The following OTOGL variants were observed in gnomAD, a reference collection of about 807,000 sequenced individuals.
OTOGL encodes the protein otogelin-like protein.
A neutral mutation model predicts 318.5 loss-of-function variants in OTOGL; 285 were observed. The observed-to-expected ratio is 0.89, with a 90% confidence interval of 0.81 to 0.99. The LOEUF is 0.99. Among genes scored for constraint, OTOGL ranks in the 50% least tolerant of loss-of-function variants. The probability of loss-of-function intolerance (pLI) is 0.00; values close to 1 mark genes in which losing one functional copy is unlikely to be tolerated. For synonymous variants in OTOGL, 987 were observed against 936.5 expected (o/e 1.05, Z -0.99); for missense variants, 2,899 against 2,845.6 (o/e 1.02, Z -0.43).
chr12:80,118,476 G>A (rs1013196630), intron 1 of OTOGL, among the ~76,000 whole-genome samples: 1 of 152,090 alleles, frequency 6.6e-6, no homozygotes, highest in Admixed American at 6.6e-5. Context: ...AGTGGACCCT[G>A]ACTCTCATGT....
chr12:80,293,449 A>G (rs1192245278), intron 26 of OTOGL, among the ~76,000 whole-genome samples: 1 of 152,168 alleles, frequency 6.6e-6, no homozygotes, highest in Non-Finnish European at 1.5e-5. Flanking sequence ...TTCTTACAAG[A>G]ACCTTATGAA....
intron 29 of OTOGL, among the ~76,000 whole-genome samples, chr12:80,309,922 G>A (rs773604748): frequency 5.3e-5 from 8 of 152,112 alleles, no homozygotes; most frequent in Non-Finnish European, 8.8e-5. Flanking sequence ...CGCGTGTACC[G>A]AATGAGAAAA....
chr12:80,144,142 G>A (rs1872157743), intron 1 of OTOGL, among the ~76,000 whole-genome samples: 1 of 151,746 alleles, frequency 6.6e-6, no homozygotes, highest in African/African-American at 2.4e-5. Context: ...TGCCACGCTG[G>A]TGCGCTGCAC....
chr12:80,219,689 A>G, intron 5 of OTOGL, 125 bp from the exon 6 acceptor site: 1 of 691,116 alleles, frequency 1.4e-6, no homozygotes, highest in Non-Finnish European at 2.5e-6. Context: ...TTAGCAAGGC[A>G]AGAGGCTGAG....
chr12:80,300,640 T>C (rs1478776618), intron 27 of OTOGL, among the ~76,000 whole-genome samples: 1 of 152,184 alleles, frequency 6.6e-6, no homozygotes, highest in Non-Finnish European at 1.5e-5. Flanking sequence ...TTGTGCTGTC[T>C]TAAATGCCTA....
At chr12:80,334,770 T>C (rs1230397356) in intron 38 of OTOGL, among the ~76,000 whole-genome samples, 1 of 152,164 alleles carries the variant, frequency 6.6e-6, no homozygotes, top group Non-Finnish European at 1.5e-5. Flanking sequence ...TGTGAGTTGC[T>C]GGTGACCTTG....
At chr12:80,346,475 G>A (rs1487904629) in intron 44 of OTOGL, among the ~76,000 whole-genome samples, 1 of 152,124 alleles carries the variant, frequency 6.6e-6, no homozygotes. Context: ...GGTATAGTAA[G>A]GTAGCTAATT....
intron 11 of OTOGL, among the ~76,000 whole-genome samples, chr12:80,244,535 G>A (rs1592597968): frequency 6.7e-6 from 1 of 149,188 alleles, no homozygotes; most frequent in Non-Finnish European, 1.5e-5. Flanking sequence ...ATTCCATGGT[G>A]TATATGTGCC....
At chr12:80,189,378 A>G in intron 1 of OTOGL, 1 of 953,936 alleles carries the variant, frequency 1.0e-6, no homozygotes. Context: ...AGTAAAACAA[A>G]GAGAATCCAG....
intron 1 of OTOGL, among the ~76,000 whole-genome samples, chr12:80,127,529 C>G (rs1323541147): frequency 6.6e-6 from 1 of 152,112 alleles, no homozygotes; most frequent in African/African-American, 2.4e-5. Flanking sequence ...TGGAGTTGCT[C>G]TTCTCGAGGA....
chr12:80,366,625 C>A lies in OTOGL; in HGVS notation c.6319C>A (p.Gln2107Lys). 2 of 1,407,194 alleles carry A rather than the reference C, an allele frequency of 1.4e-6. No individual in the cohort carries two copies. Among genetic ancestry groups the A allele is most frequent in the South Asian group, 1.7e-5 (1 of 59,480 alleles). The allele number at this position is 1,407,194 out of a possible 1,614,324, so 87.2% of individuals were successfully genotyped here. ...CTTCCAGAGTGATTGTGGATGCATA[C>A]AGTATCTCTGTGGTAACTATGTCTT... is the stretch of plus-strand genomic sequence containing the variant. The part of the protein sequence containing the change: ...HNFQSDCGCI[Q>K]YLCEKDDVCV... Residue 2107 changes from glutamine to lysine, a missense_variant, in exon 53 of 59, where the codon CAG (glutamine) becomes AAG (lysine). Around this residue, in one of 3 missense-constraint regions of OTOGL, gnomAD observed 289 missense variants for 304.6 expected, o/e 0.95. Transcript: ENST00000547103.
chr12:80,147,600 T>A, intron 1 of OTOGL, among the ~76,000 whole-genome samples: 1 of 152,056 alleles, frequency 6.6e-6, no homozygotes, highest in Admixed American at 6.5e-5. Flanking sequence ...GTTTAATTCC[T>A]GGGTATTCTT....
intron 42 of OTOGL, among the ~76,000 whole-genome samples, chr12:80,338,648 A>T (rs1888556563): frequency 6.6e-6 from 1 of 152,138 alleles, no homozygotes; most frequent in Admixed American, 6.5e-5. Flanking sequence ...AGCCTGACAG[A>T]TGATTGTTAT....
At chr12:80,150,240 T>A (rs1047543663) in intron 1 of OTOGL, among the ~76,000 whole-genome samples, 3 of 152,224 alleles carry the variant, frequency 2.0e-5, no homozygotes, top group Non-Finnish European at 4.4e-5. Flanking sequence ...GAGCCAAACT[T>A]CTTTCAAGAA....
At chr12:80,123,983 T>A (rs532051235) in intron 1 of OTOGL, among the ~76,000 whole-genome samples, 18 of 151,996 alleles carry the variant, frequency 1.2e-4, no homozygotes, top group Non-Finnish European at 2.6e-4. Flanking sequence ...TCCCATTCTG[T>A]AGGTTGCCTG....
At chr12:80,129,944 G>A (rs1871135573) in intron 1 of OTOGL, among the ~76,000 whole-genome samples, 1 of 151,898 alleles carries the variant, frequency 6.6e-6, no homozygotes, top group African/African-American at 2.4e-5. Flanking sequence ...TCTCTGTTTT[G>A]GTCATGGCTA....
intron 1 of OTOGL, among the ~76,000 whole-genome samples, chr12:80,178,222 G>A (rs774744577): frequency 8.6e-5 from 13 of 151,200 alleles, no homozygotes; most frequent in Admixed American, 2.6e-4. Context: ...CACCATGCCC[G>A]GCTAATTTTT....
chr12:80,306,409 C>G (rs1886106454), intron 29 of OTOGL, among the ~76,000 whole-genome samples: 1 of 152,148 alleles, frequency 6.6e-6, no homozygotes, highest in Admixed American at 6.5e-5. Flanking sequence ...TCTATTCTTT[C>G]CTCTACTTTC....
At chr12:80,287,699 T>C (rs1209064577) in intron 26 of OTOGL, among the ~76,000 whole-genome samples, 1 of 152,200 alleles carries the variant, frequency 6.6e-6, no homozygotes, top group African/African-American at 2.4e-5. Flanking sequence ...GTCTGTTTTA[T>C]CAGAGATTAG....
Sources: gnomAD v4.1 joint callset for allele counts (sites outside exome capture counted in the v4.1 genomes callset) on GRCh38, gnomAD v4.1.1 for gene constraint, gnomAD v4.1.1 regional missense constraint, MANE v1.5 for transcripts, NCBI Gene and HGNC (gene_info 2026-07-23, HGNC 2026-07-21) for gene names.